Variants in FANCC observed in about 807,000 individuals in gnomAD.
FANCC encodes FA complementation group C.
In FANCC, 55 loss-of-function variants were observed where a neutral mutation model predicts 71.3. That is an observed-to-expected ratio of 0.77 (90% CI 0.62 to 0.97). The LOEUF (loss-of-function observed/expected upper bound fraction) is 0.97, where lower values mean the gene tolerates loss of function less well. Ranked by LOEUF, FANCC falls within the 50% of genes least tolerant of loss-of-function variation. FANCC has a pLI of 0.00. For synonymous variants in FANCC, 275 were observed against 244.9 expected, an observed-to-expected ratio of 1.12 and a Z score of -1.15; for missense variants, 678 against 670.9, an observed-to-expected ratio of 1.01 and a Z score of -0.12.
intron 2 of FANCC, among the ~76,000 whole-genome samples, chr9:95,247,788 ATACT>A (rs1459589736): frequency 1.3e-5 from 2 of 152,238 alleles, no homozygotes; most frequent in Non-Finnish European, 2.9e-5. Context: ...AATTCTACTC[ATACT>A]TAATAGTCAG....
chr9:95,138,472 TA>T (rs1828071792), intron 7 of FANCC, among the ~76,000 whole-genome samples: 1 of 152,336 alleles, frequency 6.6e-6, no homozygotes, highest in Non-Finnish European at 1.5e-5. Flanking sequence ...AGGGTGCTCG[TA>T]GCTTCCATCA....
chr9:95,292,288 T>C, intron 1 of FANCC: 2 of 344,856 alleles, frequency 5.8e-6, no homozygotes, highest in East Asian at 1.4e-4. Flanking sequence ...TCTCACCACT[T>C]AGAAAAATCA....
intron 4 of FANCC, among the ~76,000 whole-genome samples, chr9:95,204,928 C>G (rs1322054879): frequency 6.6e-6 from 1 of 152,142 alleles, no homozygotes; most frequent in Admixed American, 6.5e-5. Context: ...CTTCAAAATA[C>G]CAAAGGGGAT....
At chr9:95,145,071 C>T (rs763080418) in intron 7 of FANCC, among the ~76,000 whole-genome samples, 23 of 152,128 alleles carry the variant, frequency 1.5e-4, no homozygotes, top group Non-Finnish European at 2.6e-4. Context: ...CTTTTTAAAT[C>T]TCACTTTCAC....
intron 1 of FANCC, among the ~76,000 whole-genome samples, chr9:95,254,956 C>T (rs771273259): frequency 6.6e-5 from 10 of 152,186 alleles, no homozygotes; most frequent in East Asian, 1.9e-4. Context: ...TAAACAAAGC[C>T]GCAGGGATGT....
rs4647526 is a variant in FANCC, at chr9:95,115,612, G to A, written c.1073-902C>T. 2.6e-3 allele frequency among the ~76,000 whole-genome samples: 403 copies of A among 152,326 alleles called. 2 individuals carry two copies. Among genetic ancestry groups the A allele is most frequent in the African/African-American group, 9.0e-3 (373 of 41,566 alleles). On this transcript the variant is annotated intron_variant, in intron 11 of 14. Transcript: ENST00000289081. ...GGTTTTAAATACAGCTGAGCAGCAC[G>A]TATCTGCAGTTCTGTGCAGCATCTG...
At chr9:95,123,823 T>C (rs931208874) in intron 10 of FANCC, 9 of 675,040 alleles carry the variant, frequency 1.3e-5, no homozygotes, top group African/African-American at 7.1e-5. Flanking sequence ...TACTCCAATT[T>C]AGACCTGCGG....
intron 7 of FANCC, among the ~76,000 whole-genome samples, chr9:95,141,985 G>GTTTTTTTTTTTTTTTTTTTTTTTT (rs1163083695): frequency 1.2e-5 from 1 of 83,138 alleles, no homozygotes; most frequent in African/African-American, 4.8e-5. Flanking sequence ...AGTTTGTGGG[G>GTTTTTTTTTTTTTTTTTTTTTTTT]TTTTTTTTTT....
chr9:95,287,180 T>C (rs1169413267), intron 1 of FANCC, among the ~76,000 whole-genome samples: 2 of 152,028 alleles, frequency 1.3e-5, no homozygotes, highest in Non-Finnish European at 1.5e-5. Context: ...AGGTTACATA[T>C]CATGTACGAG....
At chr9:95,228,197 G>A (rs972797249) in intron 4 of FANCC, among the ~76,000 whole-genome samples, 3 of 152,184 alleles carry the variant, frequency 2.0e-5, no homozygotes, top group Non-Finnish European at 4.4e-5. Context: ...AGAAAAGATG[G>A]GAGGGGAGCC....
chr9:95,183,344 C>T (rs1017425513), intron 4 of FANCC, among the ~76,000 whole-genome samples: 5 of 152,232 alleles, frequency 3.3e-5, no homozygotes, highest in Admixed American at 2.6e-4. Flanking sequence ...CATGCAGGCG[C>T]TCCACGGCAG....
chr9:95,311,983 G>C (rs1045081670), intron 1 of FANCC, among the ~76,000 whole-genome samples: 1 of 152,114 alleles, frequency 6.6e-6, no homozygotes, highest in Non-Finnish European at 1.5e-5. Flanking sequence ...AGGTCATCTG[G>C]GAACCCTGCC....
intron 1 of FANCC, among the ~76,000 whole-genome samples, chr9:95,309,299 A>T (rs1835246369): frequency 1.3e-5 from 2 of 152,200 alleles, no homozygotes; most frequent in African/African-American, 4.8e-5. Context: ...ACTACTTCAT[A>T]AATAAAATGC....
intron 4 of FANCC, among the ~76,000 whole-genome samples, chr9:95,191,279 GGCCCA>G (rs546493500): frequency 2.6e-4 from 39 of 150,196 alleles, no homozygotes; most frequent in African/African-American, 8.1e-4. Flanking sequence ...AACCTCACAA[GGCCCA>G]GCCCAGCCCA....
chr9:95,139,880 A>C (rs1462261387), intron 7 of FANCC, among the ~76,000 whole-genome samples: 2 of 147,970 alleles, frequency 1.4e-5, no homozygotes, highest in Non-Finnish European at 3.0e-5. Context: ...ATTCTGTGGA[A>C]AATTTAAAGG....
intron 1 of FANCC, among the ~76,000 whole-genome samples, chr9:95,308,795 C>CAA (rs1273102849): frequency 6.6e-6 from 1 of 152,148 alleles, no homozygotes; most frequent in African/African-American, 2.4e-5. Context: ...TAGAATGAAA[C>CAA]AAATTTCTAG....
At chr9:95,254,460 C>G (rs1831535833) in intron 1 of FANCC, among the ~76,000 whole-genome samples, 1 of 152,110 alleles carries the variant, frequency 6.6e-6, no homozygotes, top group Admixed American at 6.5e-5. Flanking sequence ...GTCACCTCAC[C>G]CAAGAAGCAC....
Position 95,302,419 on chromosome 9 carries a change from C to T in FANCC, c.-79+15107G>A, listed in dbSNP as rs542349039. Among the ~76,000 whole-genome samples, 8 of 152,302 alleles carry T rather than the reference C, an allele frequency of 5.3e-5. No individual in the cohort carries two copies. The East Asian group carries it at 1.5e-3, about 29-fold the overall frequency. Reference sequence around the variant, plus strand: ...CTCTTTGGGAGTGAAACAGAACCTACCTCAAAGGGCTGTTTTGAGGATTCT... The same window carrying T: ...CTCTTTGGGAGTGAAACAGAACCTATCTCAAAGGGCTGTTTTGAGGATTCT... On this transcript the variant is annotated intron_variant, in intron 1 of 14. Transcript: ENST00000289081.
intron 6 of FANCC, among the ~76,000 whole-genome samples, chr9:95,153,174 C>T (rs2135461505): frequency 6.6e-6 from 1 of 152,310 alleles, no homozygotes; most frequent in African/African-American, 2.4e-5. Flanking sequence ...ATTCAAGTTG[C>T]TGCAAATATT....
Sources: allele counts gnomAD v4.1 joint callset (sites outside exome capture counted in the v4.1 genomes callset), GRCh38; gene constraint gnomAD v4.1.1; transcripts MANE v1.5; gene names NCBI Gene and HGNC (gene_info 2026-07-23, HGNC 2026-07-21).